The following ANO2 variants were observed in gnomAD, a reference collection of about 807,000 sequenced individuals.
ANO2 encodes the protein anoctamin 2, also known as anoctamin-2.
In ANO2, 101 loss-of-function variants were observed where a neutral mutation model predicts 124.2. That is an observed-to-expected ratio of 0.81 (90% CI 0.69 to 0.96). ANO2 has a LOEUF of 0.96. ANO2 is among the 40% of genes least tolerant of loss of function. The pLI is 0.00. For synonymous variants in ANO2, 486 were observed against 482.5 expected, an observed-to-expected ratio of 1.01 and a Z score of -0.09; for missense variants, 1,293 against 1,274.5, an observed-to-expected ratio of 1.01 and a Z score of -0.22.
intron 3 of ANO2, 141 bp downstream of exon 3, chr12:5,920,899 A>C (rs1020397824): frequency 9.6e-6 from 10 of 1,041,676 alleles, no homozygotes; most frequent in Non-Finnish European, 1.3e-5. Context: ...AGAAAGAAAC[A>C]AAATCTGGTT....
chr12:5,623,774 G>A (rs1945248052), intron 16 of ANO2, among the ~76,000 whole-genome samples: 1 of 152,212 alleles, frequency 6.6e-6, no homozygotes, highest in Admixed American at 6.5e-5. Flanking sequence ...CCAAGCAAAA[G>A]TGCCTGCTCT....
chr12:5,745,760 C>T (rs950484358), intron 11 of ANO2, among the ~76,000 whole-genome samples: 5 of 152,126 alleles, frequency 3.3e-5, no homozygotes, highest in African/African-American at 1.2e-4. Flanking sequence ...CACTGACTCG[C>T]TGGCAAAGGT....
chr12:5,610,248 T>C (rs1591727850), intron 19 of ANO2, among the ~76,000 whole-genome samples: 2 of 126,074 alleles, frequency 1.6e-5, no homozygotes, highest in African/African-American at 6.2e-5. Flanking sequence ...TATAAATGCA[T>C]ATATTTATAC....
Position 5,744,104 on chromosome 12 carries a change from G to C in ANO2, c.1351+53C>G. ...GGATGAGCTTTACAGCTTGGTCACTGTGCCCATGTAAAGGAACCACCCATA... is the reference window on the plus strand; with the variant it reads ...GGATGAGCTTTACAGCTTGGTCACTCTGCCCATGTAAAGGAACCACCCATA... On this transcript the variant is annotated intron_variant, in intron 12 of 24. Transcript: ENST00000682330. The C allele has an allele frequency of 1.9e-6, 3 of 1,604,122 alleles. No individual in the cohort carries two copies. The South Asian group carries it at 3.3e-5, about 18-fold the overall frequency.
chr12:5,873,928 A>G (rs1444783558), intron 3 of ANO2, among the ~76,000 whole-genome samples: 1 of 152,196 alleles, frequency 6.6e-6, no homozygotes, highest in Non-Finnish European at 1.5e-5. Context: ...GCCAGAGCTG[A>G]TGTACCCCAA....
intron 15 of ANO2, among the ~76,000 whole-genome samples, chr12:5,639,116 G>C (rs1946197292): frequency 6.6e-6 from 1 of 152,140 alleles, no homozygotes; most frequent in Admixed American, 6.6e-5. Context: ...GTTTCCTATG[G>C]GAAAGACTTA....
chr12:5,603,468 C>G (rs1212842001), intron 19 of ANO2, among the ~76,000 whole-genome samples: 1 of 150,432 alleles, frequency 6.6e-6, no homozygotes, highest in Non-Finnish European at 1.5e-5. Context: ...TTTACTCTTA[C>G]TATTTAAGAC....
At chr12:5,913,213 G>A (rs1479304743) in intron 3 of ANO2, among the ~76,000 whole-genome samples, 1 of 152,178 alleles carries the variant, frequency 6.6e-6, no homozygotes, top group Non-Finnish European at 1.5e-5. Context: ...CCCCAGCAAA[G>A]CAAAACCAAG....
At chr12:5,946,052 C>A, upstream of ANO2, 1 of 1,437,468 alleles carries the variant, frequency 7.0e-7, no homozygotes, top group East Asian at 2.3e-5. This position sits in a 1 kb window ranked among gnomAD's most constrained non-coding sequence, Gnocchi z 4.1. Context: ...ATCTGCAACT[C>A]CAAGATGCAC....
At chr12:5,691,327 C>CAAAAAAAAAAAAAAAAAAAAAAAAAAA (rs60573302) in intron 14 of ANO2, among the ~76,000 whole-genome samples, 1 of 86,980 alleles carries the variant, frequency 1.1e-5, no homozygotes, top group Non-Finnish European at 2.0e-5. Flanking sequence ...GACTCCATCT[C>CAAAAAAAAAAAAAAAAAAAAAAAAAAA]AAAAAAAAAA....
intron 11 of ANO2, among the ~76,000 whole-genome samples, chr12:5,745,008 AT>A: frequency 6.6e-6 from 1 of 152,368 alleles, no homozygotes; most frequent in Non-Finnish European, 1.5e-5. Context: ...CAAGATCTAG[AT>A]TCTTTGATAC....
At chr12:5,574,096 A>G (rs1179771574) in intron 23 of ANO2, among the ~76,000 whole-genome samples, 1 of 152,186 alleles carries the variant, frequency 6.6e-6, no homozygotes, top group Non-Finnish European at 1.5e-5. Context: ...AGAAAGCCCT[A>G]TGTTGGTCCC....
chr12:5,834,242 G>A (rs1954246844), intron 4 of ANO2, among the ~76,000 whole-genome samples: 1 of 152,182 alleles, frequency 6.6e-6, no homozygotes, highest in Non-Finnish European at 1.5e-5. Flanking sequence ...TAATCTGTCA[G>A]GCTGCAATAG....
rs538695498 is a variant in ANO2 at position 5,685,503 on chromosome 12, G to A, written c.1546-37702C>T. On this transcript the variant is annotated intron_variant, in intron 14 of 24. Coordinates refer to ENST00000682330, the MANE Select transcript of ANO2 (RefSeq NM_001364791.2). ...AAGAGAAGCCACAGGAAGAGCCTGGGGCTGGGCACAGTGGCTCAGGCCTAT... is the reference window on the plus strand; with the variant it reads ...AAGAGAAGCCACAGGAAGAGCCTGGAGCTGGGCACAGTGGCTCAGGCCTAT... Among the ~76,000 whole-genome samples the A allele has an allele frequency of 3.3e-5, 5 of 152,318 alleles. No homozygotes were observed. In the East Asian group the frequency reaches 5.8e-4, roughly 18 times the overall value.
rs187432059 is a variant in ANO2 at position 5,727,900 on chromosome 12, G to A, written c.1545+4620C>T. ...CGGCTCACTGCAAGCTCTGCCTCCC[G>A]GGTTCACGCCATTCTCCTGCCTCAG... On this transcript the variant is annotated intron_variant, in intron 14 of 24. Transcript: ENST00000682330. Among the ~76,000 whole-genome samples the A allele has an allele frequency of 2.6e-4, 39 of 149,564 alleles. No homozygotes were observed. In the East Asian group the frequency reaches 3.3e-3, roughly 13 times the overall value.
At position 5,854,163 on chromosome 12, in the gene ANO2, C is replaced by T. The variant is rs770293721; in HGVS notation, c.535-22G>A. 187 of 1,600,612 alleles carry T rather than the reference C, an allele frequency of 1.2e-4. 1 individual carries two copies. The South Asian group carries it at 1.9e-3, about 16-fold the overall frequency. On this transcript the variant is annotated intron_variant, in intron 3 of 24. Coordinates refer to ENST00000682330, the MANE Select transcript of ANO2 (RefSeq NM_001364791.2). ...TATTCTGCAAGGTACAAAGAAAGAACAAATGGAAACACTTGTAAGGACATA... is the reference window on the plus strand; with the variant it reads ...TATTCTGCAAGGTACAAAGAAAGAATAAATGGAAACACTTGTAAGGACATA...
rs1038960372 is a variant in ANO2 at position 5,607,512 on chromosome 12, C to A, written c.2087+5144G>T. 5.3e-5 allele frequency among the ~76,000 whole-genome samples: 8 copies of A among 151,910 alleles called. No homozygotes were observed. The East Asian group carries it at 5.8e-4, about 11-fold the overall frequency. The stretch of plus-strand genomic sequence containing the variant: ...GTATATTGTAAAGCCTGGATTTAAA[C>A]CCAGATCTGGTAGGCCAGGGATCCC... On this transcript the variant is annotated intron_variant, in intron 19 of 24. Transcript: ENST00000682330.
intron 7 of ANO2, among the ~76,000 whole-genome samples, chr12:5,808,160 A>G (rs1591640300): frequency 6.6e-6 from 1 of 152,354 alleles, no homozygotes; most frequent in East Asian, 1.9e-4. Context: ...AATTTTTAAA[A>G]GTGTGAAGTT....
rs777342120 is a variant in ANO2 at position 5,575,837 on chromosome 12, C to A, written c.2618G>T (p.Cys873Phe). The change falls in exon 23 of 25, where the codon TGC becomes TTC. Residue 873 changes from cysteine (C) to phenylalanine (F), a missense_variant. Physicochemically the swap from Cys to Phe is radical, Grantham distance 205. Transcript: ENST00000682330. ...CTTCTCCTGAAGATTACTTTACCTG[C>A]AGAACTGAACCTCCTGGTCAAACTG... Reference protein sequence around the residue: ...NSQFDQEVQFCRFKDYREPPW... With the variant: ...NSQFDQEVQFFRFKDYREPPW... The A allele has an allele frequency of 1.3e-5, 21 of 1,613,514 alleles. No individual in the cohort carries two copies. Among genetic ancestry groups the A allele is most frequent in the Non-Finnish European group, 2.5e-6 (3 of 1,179,602 alleles).
Sources: gnomAD v4.1 joint callset for allele counts (sites outside exome capture counted in the v4.1 genomes callset) on GRCh38, gnomAD v4.1.1 for gene constraint, Gnocchi (gnomAD v3.1) non-coding constraint, MANE v1.5 for transcripts, NCBI Gene and HGNC (gene_info 2026-07-23, HGNC 2026-07-21) for gene names.